The following NTM variants were observed in gnomAD, a reference collection of about 807,000 sequenced individuals.
NTM encodes the protein IgLON family member 2.
Under a neutral mutation model 42.1 loss-of-function variants are expected in NTM, and 13 were observed. The observed-to-expected ratio is 0.31, with a 90% confidence interval of 0.20 to 0.49. The LOEUF is 0.49. NTM is among the 20% of genes least tolerant of loss of function. The probability of loss-of-function intolerance (pLI) is 0.99; values close to 1 mark genes in which losing one functional copy is unlikely to be tolerated. For synonymous variants in NTM, 187 were observed against 179.2 expected (o/e 1.04, Z -0.35); for missense variants, 373 against 452.8 (o/e 0.82, Z 1.60).
At chr11:131,991,060 T>C (rs553378619) in intron 2 of NTM, among the ~76,000 whole-genome samples, 11 of 152,300 alleles carry the variant, frequency 7.2e-5, no homozygotes, top group African/African-American at 2.2e-4. Flanking sequence ...GTTCGATTAA[T>C]GTTTACTATA....
At chr11:131,534,153 G>A (rs1226893538) in intron 1 of NTM, 2 of 152,214 alleles carry the variant, frequency 1.3e-5, no homozygotes, top group African/African-American at 4.8e-5. Context: ...AAGGAAAGAA[G>A]CCATCACTTT....
At chr11:131,956,874 G>C (rs986446923) in intron 2 of NTM, among the ~76,000 whole-genome samples, 1 of 152,112 alleles carries the variant, frequency 6.6e-6, no homozygotes, top group Admixed American at 6.5e-5. Context: ...CTCAGGACTG[G>C]AAGCAAAACT....
intron 1 of NTM, among the ~76,000 whole-genome samples, chr11:131,404,227 A>G (rs973055461): frequency 6.6e-6 from 1 of 152,148 alleles, no homozygotes; most frequent in South Asian, 2.1e-4. Flanking sequence ...ACACCACCCC[A>G]CTAAAGCTAC....
At chr11:131,761,085 C>T (rs4937652) in intron 1 of NTM, among the ~76,000 whole-genome samples, 2 of 151,774 alleles carry the variant, frequency 1.3e-5, no homozygotes, top group Admixed American at 6.6e-5. Flanking sequence ...GCAGGGGAAG[C>T]GGGGAGGACA....
intron 1 of NTM, among the ~76,000 whole-genome samples, chr11:131,422,854 T>C (rs1272341156): frequency 2.6e-5 from 4 of 152,234 alleles, no homozygotes; most frequent in Non-Finnish European, 4.4e-5. Flanking sequence ...TTGTTGAATA[T>C]TGAGGGAATC....
chr11:131,858,508 T>C (rs2046322740), intron 1 of NTM, among the ~76,000 whole-genome samples: 1 of 152,174 alleles, frequency 6.6e-6, no homozygotes, highest in Admixed American at 6.5e-5. Context: ...AATCAACACA[T>C]GTATAAATTG....
chr11:131,432,841 T>A (rs1379712262), intron 1 of NTM, among the ~76,000 whole-genome samples: 17 of 5,850 alleles, frequency 2.9e-3, no homozygotes, highest in Non-Finnish European at 3.1e-3. Flanking sequence ...TTAGCATTCT[T>A]TTTTTTTTTT....
At chr11:132,007,422 T>C (rs2071050639) in intron 2 of NTM, among the ~76,000 whole-genome samples, 3 of 152,174 alleles carry the variant, frequency 2.0e-5, no homozygotes, top group Admixed American at 2.0e-4. Flanking sequence ...CAGGAGGGCA[T>C]AACTCCTGCT....
intron 2 of NTM, among the ~76,000 whole-genome samples, chr11:132,045,397 G>T (rs1158062965): frequency 6.6e-6 from 1 of 152,124 alleles, no homozygotes; most frequent in Non-Finnish European, 1.5e-5. Flanking sequence ...TGGTAATTAG[G>T]CTGTGCTCTT....
intron 1 of NTM, among the ~76,000 whole-genome samples, chr11:131,716,818 C>G (rs1178208287): frequency 1.3e-5 from 2 of 152,078 alleles, no homozygotes; most frequent in African/African-American, 2.4e-5. Flanking sequence ...TAATACGATA[C>G]TGTTGATTAC....
At chr11:131,582,549 C>G in intron 1 of NTM, among the ~76,000 whole-genome samples, 1 of 103,898 alleles carries the variant, frequency 9.6e-6, no homozygotes, top group East Asian at 3.0e-4. Context: ...GTTTGTTTTG[C>G]TTTGTTAATT....
intron 1 of NTM, among the ~76,000 whole-genome samples, chr11:131,835,517 T>C (rs2043376702): frequency 6.6e-6 from 1 of 152,142 alleles, no homozygotes; most frequent in South Asian, 2.1e-4. Context: ...TAGAGAAATG[T>C]AAGTTTAAAC....
chr11:131,510,735 CTCTT>C (rs2048121006), intron 1 of NTM, among the ~76,000 whole-genome samples: 1 of 152,248 alleles, frequency 6.6e-6, no homozygotes. Flanking sequence ...CTGTGCCCAT[CTCTT>C]TCTGTCTGCT....
intron 4 of NTM, among the ~76,000 whole-genome samples, chr11:132,257,780 A>C (rs887641152): frequency 1.3e-5 from 2 of 152,360 alleles, no homozygotes; most frequent in Non-Finnish European, 2.9e-5. Flanking sequence ...CCAGGATTCA[A>C]AACTACATCC....
chr11:131,876,761 C>A (rs1026104481), intron 1 of NTM, among the ~76,000 whole-genome samples: 7 of 152,080 alleles, frequency 4.6e-5, no homozygotes, highest in African/African-American at 1.7e-4. Flanking sequence ...ATAACAATGG[C>A]TATGCTAGAA....
chr11:131,734,028 CAAAT>C (rs1311434844), intron 1 of NTM, among the ~76,000 whole-genome samples: 1 of 152,058 alleles, frequency 6.6e-6, no homozygotes. Context: ...TATTGACAAA[CAAAT>C]AATTCTTACA....
chr11:132,210,650 G>A (rs2082689107), intron 3 of NTM, among the ~76,000 whole-genome samples: 2 of 152,144 alleles, frequency 1.3e-5, no homozygotes, highest in South Asian at 2.1e-4. Flanking sequence ...AATATCACAT[G>A]TTTACTAGTG....
At chr11:131,399,526 G>T (rs1269379660) in intron 1 of NTM, among the ~76,000 whole-genome samples, 1 of 152,184 alleles carries the variant, frequency 6.6e-6, no homozygotes, top group Admixed American at 6.5e-5. Context: ...CAGATGAGGA[G>T]ACTGAAGAGG....
chr11:131,500,633 G>T (rs112584451), intron 1 of NTM, among the ~76,000 whole-genome samples: 13 of 144,792 alleles, frequency 9.0e-5, no homozygotes, highest in Admixed American at 3.5e-4. Context: ...TGGGCACAAC[G>T]TGCAGGTTTG....
Sources: gnomAD v4.1 joint callset for allele counts (sites outside exome capture counted in the v4.1 genomes callset) on GRCh38, gnomAD v4.1.1 for gene constraint, MANE v1.5 for transcripts, NCBI Gene and HGNC (gene_info 2026-07-23, HGNC 2026-07-21) for gene names.